The following ZPBP variants were observed in gnomAD, a reference collection of about 807,000 sequenced individuals.
The protein encoded by ZPBP is zona pellucida binding protein.
Under a neutral mutation model 44.8 loss-of-function variants are expected in ZPBP, and 26 were observed. The observed-to-expected ratio is 0.58, with a 90% CI of 0.43 to 0.81. The LOEUF is 0.81. Ranked by LOEUF, ZPBP falls within the 30% of genes least tolerant of loss-of-function variation. The pLI is 0.00. For synonymous variants in ZPBP, 174 were observed against 153.2 expected (o/e 1.14, Z -1.00); for missense variants, 409 against 434.0 (o/e 0.94, Z 0.51).
chr7:49,901,348 C>T (rs962394397), intron 1 of ZPBP: 1 of 151,690 alleles, frequency 6.6e-6, no homozygotes, highest in African/African-American at 2.4e-5. Context: ...ACTTCAGGAA[C>T]TAATAAGCAA....
intron 2 of ZPBP, among the ~76,000 whole-genome samples, chr7:49,855,716 C>A (rs1790390563): frequency 6.6e-6 from 1 of 152,120 alleles, no homozygotes; most frequent in African/African-American, 2.4e-5. Context: ...AAAAACGAGT[C>A]CCCTGAGGGG....
At chr7:49,950,279 T>C (rs1201481315) in intron 7 of ZPBP, among the ~76,000 whole-genome samples, 1 of 151,940 alleles carries the variant, frequency 6.6e-6, no homozygotes, top group Non-Finnish European at 1.5e-5. Flanking sequence ...TATAATTAGA[T>C]AAATTCTCAG....
In ZPBP at chr7:50,068,534, A is replaced by T. The variant is rs369575564; in HGVS notation, c.335-10393T>A. 2.0e-5 allele frequency among the ~76,000 whole-genome samples: 3 copies of T among 150,944 alleles called. No homozygotes were observed. The South Asian group carries it at 6.3e-4, about 32-fold the overall frequency. ...TTCTCTAGCCTCAGCCGGCTTTCAA[A>T]CTCCTGTCCAGACTAGCTTTTTCCA... On this transcript the variant is annotated intron_variant, in intron 3 of 7. Transcript: ENST00000046087.
chr7:49,971,367 A>G (rs1796299440), intron 7 of ZPBP, among the ~76,000 whole-genome samples: 3 of 152,154 alleles, frequency 2.0e-5, no homozygotes, highest in Admixed American at 2.0e-4. Context: ...CTTTAGCTAA[A>G]TTGACTAAAA....
chr7:50,003,400 C>T (rs181544337), intron 6 of ZPBP, among the ~76,000 whole-genome samples: 2 of 152,126 alleles, frequency 1.3e-5, no homozygotes, highest in African/African-American at 4.8e-5. Flanking sequence ...TTATATTTTG[C>T]TCACTCTAGC....
rs187929832 is a variant in ZPBP, at chr7:50,031,565, T to C, written c.488-255A>G. On this transcript the variant is annotated intron_variant, in intron 4 of 7. Transcript: ENST00000046087. ...AGATTTTCTATCCATCATAAAGAAATTGAGGGCGGCAGGGATTATGTCACA... is the reference window on the plus strand; with the variant it reads ...AGATTTTCTATCCATCATAAAGAAACTGAGGGCGGCAGGGATTATGTCACA... 1.2e-4 allele frequency among the ~76,000 whole-genome samples: 18 copies of C among 152,178 alleles called. No individual in the cohort carries two copies. The East Asian group carries it at 3.5e-3, about 29-fold the overall frequency.
intron 6 of ZPBP, 69 bp from the exon 7 acceptor site, chr7:49,983,588 C>T (rs1257689472): frequency 2.1e-6 from 2 of 968,586 alleles, no homozygotes; most frequent in Non-Finnish European, 3.1e-6. Flanking sequence ...AATAAGGATG[C>T]ATGTGGATTT....
chr7:50,020,049 A>G (rs1477019326), intron 5 of ZPBP, among the ~76,000 whole-genome samples: 2 of 147,098 alleles, frequency 1.4e-5, no homozygotes, highest in East Asian at 2.0e-4. Context: ...CTCTGTCTCA[A>G]AAAAAAAAAA....
At chr7:50,055,900 C>T (rs1800916785) in intron 4 of ZPBP, among the ~76,000 whole-genome samples, 1 of 152,070 alleles carries the variant, frequency 6.6e-6, no homozygotes, top group South Asian at 2.1e-4. Flanking sequence ...CCTGAAGTAA[C>T]AAGATGGAGA....
At chr7:50,046,803 C>T (rs1361477088) in intron 4 of ZPBP, among the ~76,000 whole-genome samples, 1 of 151,978 alleles carries the variant, frequency 6.6e-6, no homozygotes, top group African/African-American at 2.4e-5. Flanking sequence ...GGGTATATGC[C>T]CAAAGGATTA....
chr7:49,901,935 A>C (rs1428589331), intron 1 of ZPBP, among the ~76,000 whole-genome samples: 1 of 140,564 alleles, frequency 7.1e-6, no homozygotes, highest in East Asian at 2.0e-4. Context: ...GTACAATGGA[A>C]CAATGATAGT....
intron 1 of ZPBP, among the ~76,000 whole-genome samples, chr7:49,904,902 A>C (rs1793003292): frequency 6.6e-6 from 1 of 151,800 alleles, no homozygotes; most frequent in South Asian, 2.1e-4. Flanking sequence ...CACCTGGCTA[A>C]TTTTTGTATT....
chr7:50,092,934 C>T, intron 1 of ZPBP, 134 bp downstream of exon 1: 1 of 1,330,258 alleles, frequency 7.5e-7, no homozygotes, highest in East Asian at 2.8e-5. Flanking sequence ...AAAAATAAGC[C>T]TTTCTTGTCA....
intron 4 of ZPBP, among the ~76,000 whole-genome samples, chr7:50,046,259 A>T (rs1562868501): frequency 6.6e-6 from 1 of 152,174 alleles, no homozygotes. Flanking sequence ...TGACTAAAAC[A>T]CCAACAGCAA....
chr7:49,860,598 A>G (rs1790609163), intron 2 of ZPBP, among the ~76,000 whole-genome samples: 2 of 152,196 alleles, frequency 1.3e-5, no homozygotes, highest in African/African-American at 4.8e-5. Context: ...CCTTGCTTTC[A>G]ATTCCTTTGG....
At chr7:49,855,727 C>T (rs572682868) in intron 2 of ZPBP, among the ~76,000 whole-genome samples, 2 of 152,226 alleles carry the variant, frequency 1.3e-5, no homozygotes, top group South Asian at 2.1e-4. Flanking sequence ...CCCTGAGGGG[C>T]CAGTTCAGTG....
the ZPBP span, among the ~76,000 whole-genome samples, chr7:49,842,885 G>GT: frequency 6.6e-6 from 1 of 152,072 alleles, no homozygotes; most frequent in African/African-American, 2.4e-5. Flanking sequence ...TTCATCTCCC[G>GT]TTTCTGTTTT....
chr7:49,995,948 C>A (rs193276377), intron 6 of ZPBP, among the ~76,000 whole-genome samples: 3 of 152,194 alleles, frequency 2.0e-5, no homozygotes, highest in African/African-American at 7.2e-5. Flanking sequence ...CAAATTCTAA[C>A]GTTCCATGGC....
At chr7:49,994,912 A>G (rs778087445) in intron 6 of ZPBP, among the ~76,000 whole-genome samples, 1 of 151,440 alleles carries the variant, frequency 6.6e-6, no homozygotes, top group Non-Finnish European at 1.5e-5. Context: ...TAACACACCC[A>G]AATGAGGAAT....
Sources: gnomAD v4.1 joint callset for allele counts (sites outside exome capture counted in the v4.1 genomes callset) on GRCh38, gnomAD v4.1.1 for gene constraint, MANE v1.5 for transcripts, NCBI Gene and HGNC (gene_info 2026-07-23, HGNC 2026-07-21) for gene names.